Variants in IGF1R observed in about 807,000 individuals in gnomAD.
IGF1R encodes the protein insulin-like growth factor 1 receptor.
In IGF1R, 44 loss-of-function variants were observed where a neutral mutation model predicts 144.6. That is an observed-to-expected ratio of 0.30 (90% CI 0.24 to 0.39). The LOEUF (loss-of-function observed/expected upper bound fraction) is 0.39, where lower values mean the gene tolerates loss of function less well. Among genes scored for constraint, IGF1R ranks in the 10% least tolerant of loss-of-function variants. The pLI is 1.00. For synonymous variants in IGF1R, 795 were observed against 722.8 expected (o/e 1.10, Z -1.60); for missense variants, 1,355 against 1,833.7 (o/e 0.74, Z 4.77).
chr15:98,941,149 C>T (rs56761712), intron 18 of IGF1R, among the ~76,000 whole-genome samples: 2,209 of 152,308 alleles, frequency 0.015, 53 homozygotes, highest in African/African-American at 0.044. Context: ...GCCTTACATC[C>T]GGGAGCCTCA....
intron 2 of IGF1R, among the ~76,000 whole-genome samples, chr15:98,810,693 C>T (rs1272801378): frequency 1.3e-5 from 2 of 151,952 alleles, no homozygotes; most frequent in East Asian, 2.0e-4. Flanking sequence ...GGACTACAGG[C>T]GCCCGCCACC....
At chr15:98,714,122 C>T (rs1346509917) in intron 2 of IGF1R, among the ~76,000 whole-genome samples, 1 of 152,076 alleles carries the variant, frequency 6.6e-6, no homozygotes, top group Non-Finnish European at 1.5e-5. Flanking sequence ...AAACATTTTA[C>T]TGCCATCTCA....
chr15:98,963,990 T>G lies in IGF1R; in HGVS notation c.*6548T>G. On this transcript the variant is annotated 3_prime_UTR_variant, in exon 21 of 21. Coordinates refer to ENST00000650285, the MANE Select transcript of IGF1R (RefSeq NM_000875.5). ...TTGGGTTTTGTTTTCAACTTTTCAT[T>G]TGGATGTTTGGCGTTGCACACACAC... The G allele has an allele frequency of 4.3e-6, 1 of 233,224 alleles. No individual in the cohort carries two copies. Among genetic ancestry groups the G allele is most frequent in the East Asian group, 6.0e-5 (1 of 16,530 alleles). The allele number at this position is 233,224 out of a possible 1,614,324, so 14.4% of individuals were successfully genotyped here.
At chr15:98,822,260 C>T (rs1412471781) in intron 2 of IGF1R, among the ~76,000 whole-genome samples, 3 of 152,100 alleles carry the variant, frequency 2.0e-5, no homozygotes, top group African/African-American at 7.2e-5. Flanking sequence ...CAGTCCTCGC[C>T]CTACCTCGAA....
At chr15:98,902,129 C>T (rs1401271230) in intron 5 of IGF1R, among the ~76,000 whole-genome samples, 1 of 151,878 alleles carries the variant, frequency 6.6e-6, no homozygotes, top group Non-Finnish European at 1.5e-5. Context: ...GGGGTGGGGG[C>T]AGGGGTGGAG....
At chr15:98,924,485 G>A (rs1424360776) in intron 12 of IGF1R, 40 bp from the exon 13 acceptor site, 1 of 1,609,304 alleles carries the variant, frequency 6.2e-7, no homozygotes, top group Admixed American at 1.7e-5. Flanking sequence ...GATTTCTCCT[G>A]CATTCATGGG....
intron 2 of IGF1R, among the ~76,000 whole-genome samples, chr15:98,758,369 C>T (rs1360427780): frequency 6.6e-6 from 1 of 152,092 alleles, no homozygotes; most frequent in Non-Finnish European, 1.5e-5. Context: ...CCCTCAGGCT[C>T]CTGCGTCGTC....
chr15:98,887,682 C>T (rs1227075553), intron 2 of IGF1R, among the ~76,000 whole-genome samples: 2 of 152,160 alleles, frequency 1.3e-5, no homozygotes, highest in Non-Finnish European at 2.9e-5. Flanking sequence ...ACACGCCTGA[C>T]GAGCGGGAAT....
chr15:98,711,092 T>C (rs1203685508), intron 2 of IGF1R, among the ~76,000 whole-genome samples: 1 of 152,208 alleles, frequency 6.6e-6, no homozygotes, highest in Admixed American at 6.5e-5. Context: ...TCATCATCTT[T>C]TTGGCTGAGT....
intron 2 of IGF1R, among the ~76,000 whole-genome samples, chr15:98,808,875 T>A (rs4965434): frequency 0.89 from 134,653 of 152,044 alleles, 60,944 homozygotes; most frequent in Middle Eastern, 0.98. Flanking sequence ...TTTTATAGAG[T>A]CAGAGTCTTA....
intron 2 of IGF1R, among the ~76,000 whole-genome samples, chr15:98,764,288 A>C (rs1439391058): frequency 6.6e-6 from 1 of 152,230 alleles, no homozygotes; most frequent in East Asian, 1.9e-4. Flanking sequence ...ATGGAGTAAT[A>C]TTCACAAACA....
chr15:98,884,683 CAAA>C (rs35707888), intron 2 of IGF1R, among the ~76,000 whole-genome samples: 123 of 80,244 alleles, frequency 1.5e-3, no homozygotes, highest in Non-Finnish European at 2.3e-3. Context: ...CACTCCGTCT[CAAA>C]AAAAAAAAAA....
intron 2 of IGF1R, among the ~76,000 whole-genome samples, chr15:98,765,416 C>A (rs969677983): frequency 4.4e-5 from 6 of 137,230 alleles, no homozygotes; most frequent in African/African-American, 8.1e-5. Flanking sequence ...TCAAGTGATT[C>A]TTGTGCCTCA....
At chr15:98,838,025 G>C (rs1361501737) in intron 2 of IGF1R, among the ~76,000 whole-genome samples, 1 of 152,180 alleles carries the variant, frequency 6.6e-6, no homozygotes, top group African/African-American at 2.4e-5. Flanking sequence ...TTCACGGCCT[G>C]AGAGTCTTTT....
chr15:98,902,585 T>C (rs2014538015), intron 5 of IGF1R, among the ~76,000 whole-genome samples: 1 of 124,258 alleles, frequency 8.0e-6, no homozygotes, highest in Non-Finnish European at 1.7e-5. Flanking sequence ...GCCCGGCTTA[T>C]TTTTGCTTTT....
chr15:98,870,183 G>T (rs2012708433), intron 2 of IGF1R, among the ~76,000 whole-genome samples: 1 of 152,230 alleles, frequency 6.6e-6, no homozygotes. Flanking sequence ...TTGTTTTGCA[G>T]CCGTGACCAT....
intron 2 of IGF1R, among the ~76,000 whole-genome samples, chr15:98,709,413 G>A (rs2053941221): frequency 6.6e-6 from 1 of 152,232 alleles, no homozygotes; most frequent in Non-Finnish European, 1.5e-5. Context: ...GGGTCCCACT[G>A]GCTGCAGCCA....
At position 98,957,475 on chromosome 15, in the gene IGF1R, G is replaced by A. The variant is rs367730194; in HGVS notation, c.*33G>A. 36 of 1,611,954 alleles carry A rather than the reference G, an allele frequency of 2.2e-5. No homozygotes were observed. Among genetic ancestry groups the A allele is most frequent in the Middle Eastern group, 1.8e-4 (1 of 5,410 alleles). ...ATCCTGAATCTGTGCAAACAGTAAC[G>A]TGTGCGCACGCGCAGCGGGGTGGGG... On this transcript the variant is annotated 3_prime_UTR_variant, in exon 21 of 21. Coordinates refer to ENST00000650285, the MANE Select transcript of IGF1R (RefSeq NM_000875.5).
At chr15:98,898,494 C>G (rs2014314943) in intron 4 of IGF1R, among the ~76,000 whole-genome samples, 1 of 152,214 alleles carries the variant, frequency 6.6e-6, no homozygotes. Context: ...TTCAGGATCT[C>G]TTCCTTAAAA....
Sources: allele counts gnomAD v4.1 joint callset (sites outside exome capture counted in the v4.1 genomes callset), GRCh38; gene constraint gnomAD v4.1.1; transcripts MANE v1.5; gene names NCBI Gene and HGNC (gene_info 2026-07-23, HGNC 2026-07-21).